Variants in MOBP observed in about 807,000 individuals in gnomAD.
MOBP encodes the protein myelin associated oligodendrocyte basic protein.
A neutral mutation model predicts 15.0 loss-of-function variants in MOBP; 5 were observed. That is an observed-to-expected ratio of 0.33 (90% CI 0.17 to 0.70). The LOEUF (loss-of-function observed/expected upper bound fraction) is 0.70, where lower values mean the gene tolerates loss of function less well. Among genes scored for constraint, MOBP ranks in the 30% least tolerant of loss-of-function variants. The pLI is 0.67. For missense variants in MOBP, 188 were observed against 257.8 expected (o/e 0.73, Z 1.85); for synonymous variants, 88 against 99.0 (o/e 0.89, Z 0.66).
intron 2 of MOBP, among the ~76,000 whole-genome samples, chr3:39,482,867 T>C (rs923888409): frequency 6.6e-6 from 1 of 152,010 alleles, no homozygotes; most frequent in African/African-American, 2.4e-5. Flanking sequence ...AGTCCTCAAA[T>C]ATACCTCCCC....
chr3:39,472,824 G>A (rs1222966099), intron 1 of MOBP, among the ~76,000 whole-genome samples: 3 of 152,208 alleles, frequency 2.0e-5, no homozygotes, highest in East Asian at 3.8e-4. Flanking sequence ...TACTTAGGAG[G>A]CTGAGGCTTG....
Position 39,469,102 on chromosome 3 carries a change from GTGTGTGTATATATACATATATACATA to G in MOBP, c.-89+1370_-89+1395del, listed in dbSNP as rs1471824936. 2.5e-3 allele frequency among the ~76,000 whole-genome samples: 126 copies of G among 49,692 alleles called. 21 individuals carry two copies. Among genetic ancestry groups the G allele is most frequent in the African/African-American group, 0.017 (70 of 4,208 alleles). The allele number at this position is 49,692 out of a possible 152,430, so 32.6% of individuals were successfully genotyped here. ...TGTGTGTATATACATATATACATATGTGTGTGTATATATACATATATACATATGTGTGTGTATATACATATATACAT... is the reference window on the plus strand; with the variant it reads ...TGTGTGTATATACATATATACATATGTGTGTGTGTATATACATATATACAT... On this transcript the variant is annotated intron_variant, in intron 1 of 3. Coordinates refer to ENST00000684792, the MANE Select transcript of MOBP (RefSeq NM_001393704.1).
downstream of MOBP, among the ~76,000 whole-genome samples, chr3:39,518,881 T>C (rs1474105832): frequency 6.6e-6 from 1 of 152,222 alleles, no homozygotes; most frequent in Non-Finnish European, 1.5e-5. Flanking sequence ...ACCTCTTTCC[T>C]AACAAGTACA....
downstream of MOBP, among the ~76,000 whole-genome samples, chr3:39,506,155 C>G (rs2043045482): frequency 6.6e-6 from 1 of 152,126 alleles, no homozygotes; most frequent in Admixed American, 6.5e-5. Flanking sequence ...TATCTTGTCT[C>G]TTTCTCATTA....
intron 2 of MOBP, among the ~76,000 whole-genome samples, chr3:39,482,943 T>C (rs1295190355): frequency 6.6e-6 from 1 of 152,130 alleles, no homozygotes; most frequent in East Asian, 1.9e-4. Context: ...TGCAATAACA[T>C]TGACTCACTC....
intron 2 of MOBP, among the ~76,000 whole-genome samples, chr3:39,492,129 T>C (rs957664039): frequency 1.3e-5 from 2 of 152,108 alleles, no homozygotes; most frequent in Non-Finnish European, 2.9e-5. Flanking sequence ...AGAATAGATG[T>C]GAAGGAGCTG....
intron 2 of MOBP, among the ~76,000 whole-genome samples, chr3:39,483,829 G>A (rs1211780966): frequency 1.3e-5 from 2 of 152,180 alleles, no homozygotes; most frequent in Non-Finnish European, 2.9e-5. Flanking sequence ...TTTCTATGGA[G>A]AGACAATTTT....
downstream of MOBP, among the ~76,000 whole-genome samples, chr3:39,507,726 C>G (rs1362381611): frequency 6.6e-6 from 1 of 152,190 alleles, no homozygotes; most frequent in Non-Finnish European, 1.5e-5. Context: ...AACAGATTGC[C>G]ACCTCTGAAA....
chr3:39,481,182 G>C (rs11915561), intron 2 of MOBP, among the ~76,000 whole-genome samples: 37 of 152,202 alleles, frequency 2.4e-4, no homozygotes, highest in African/African-American at 8.2e-4. Context: ...AAGAAAAACA[G>C]AGTGGAGCAG....
chr3:39,472,463 A>G (rs1302108437), intron 1 of MOBP, among the ~76,000 whole-genome samples: 1 of 152,226 alleles, frequency 6.6e-6, no homozygotes, highest in African/African-American at 2.4e-5. Context: ...GAACTCAACT[A>G]CTGGGAAAAT....
chr3:39,498,492 A>G (rs536764558), intron 2 of MOBP, among the ~76,000 whole-genome samples: 14 of 152,252 alleles, frequency 9.2e-5, no homozygotes, highest in African/African-American at 3.4e-4. Flanking sequence ...CTGGGATTAC[A>G]GGCACGTGCC....
intron 2 of MOBP, among the ~76,000 whole-genome samples, chr3:39,498,712 G>A (rs1768237): frequency 6.6e-6 from 1 of 152,018 alleles, no homozygotes; most frequent in African/African-American, 2.4e-5. Context: ...CCAGGGAAGA[G>A]AATTACTTTT....
chr3:39,525,534 C>G (rs2043314191), downstream of MOBP: 1 of 152,380 alleles, frequency 6.6e-6, no homozygotes, highest in South Asian at 2.1e-4. Context: ...GTGCTAGGAG[C>G]TGGTGTGGCC....
At chr3:39,528,207 CTT>C, downstream of MOBP, 1 of 152,202 alleles carries the variant, frequency 6.6e-6, no homozygotes, top group East Asian at 1.9e-4. Context: ...TATAAGGAGA[CTT>C]TATCTGTTCT....
At chr3:39,524,025 T>A (rs2043300242) in intron 3 of MOBP, among the ~76,000 whole-genome samples, 1 of 152,174 alleles carries the variant, frequency 6.6e-6, no homozygotes, top group Non-Finnish European at 1.5e-5. Context: ...CACACCTAGA[T>A]GGAAATATGT....
intron 2 of MOBP, among the ~76,000 whole-genome samples, chr3:39,494,792 GCCC>G (rs931164636): frequency 1.9e-3 from 88 of 46,072 alleles, no homozygotes; most frequent in South Asian, 9.4e-3. Context: ...GCCCCCCCCC[GCCC>G]CCCGAGTTAC....
intron 2 of MOBP, among the ~76,000 whole-genome samples, chr3:39,485,250 A>G (rs1169640394): frequency 6.6e-6 from 1 of 152,356 alleles, no homozygotes; most frequent in East Asian, 1.9e-4. Context: ...TGACATCCTT[A>G]GAGACAGCAT....
At chr3:39,482,868 A>G (rs2042648607) in intron 2 of MOBP, among the ~76,000 whole-genome samples, 1 of 151,762 alleles carries the variant, frequency 6.6e-6, no homozygotes, top group Non-Finnish European at 1.5e-5. Context: ...GTCCTCAAAT[A>G]TACCTCCCCA....
chr3:39,511,364 G>A lies in MOBP; in HGVS notation c.*-2019G>A, dbSNP rs532418173. 1.8e-4 allele frequency among the ~76,000 whole-genome samples: 28 copies of A among 152,264 alleles called. No homozygotes were observed. The South Asian group carries it at 3.7e-3, about 20-fold the overall frequency. Reference sequence around the variant, plus strand: ...ATCTGTTTCCTCTATTCAGCTATGTGGGCAGTCTTTATAATTTAACCTTTC... The same window carrying A: ...ATCTGTTTCCTCTATTCAGCTATGTAGGCAGTCTTTATAATTTAACCTTTC... On this transcript the variant is annotated intron_variant, in intron 4 of 4. Transcript: ENST00000311042.
Sources: allele counts gnomAD v4.1 joint callset (sites outside exome capture counted in the v4.1 genomes callset), GRCh38; gene constraint gnomAD v4.1.1; transcripts MANE v1.5; gene names NCBI Gene and HGNC (gene_info 2026-07-23, HGNC 2026-07-21).